KIRREL1: variants seen among roughly 807,000 people sequenced by gnomAD.
KIRREL1 encodes the protein kin of IRRE-like protein 1.
KIRREL1 carries 25 observed loss-of-function variants against 83.3 expected under a neutral mutation model. The ratio of observed to expected loss-of-function variants is 0.30; its 90% CI spans 0.22 to 0.42. The LOEUF (loss-of-function observed/expected upper bound fraction) is 0.42, where lower values mean the gene tolerates loss of function less well. Among genes scored for constraint, KIRREL1 ranks in the 10% least tolerant of loss-of-function variants. The pLI is 1.00. For missense variants in KIRREL1, 812 were observed against 1,032.3 expected (o/e 0.79, Z 2.92); for synonymous variants, 388 against 410.4 (o/e 0.95, Z 0.66).
At chr1:158,061,610 C>T (rs1165589613) in intron 1 of KIRREL1, among the ~76,000 whole-genome samples, 1 of 152,148 alleles carries the variant, frequency 6.6e-6, no homozygotes, top group African/African-American at 2.4e-5. Context: ...ATGTTTCTGG[C>T]CTCTCCTCTG....
chr1:158,048,664 C>T (rs2101588764), intron 1 of KIRREL1, among the ~76,000 whole-genome samples: 1 of 152,286 alleles, frequency 6.6e-6, no homozygotes, highest in East Asian at 1.9e-4. Context: ...CTTTTGCACA[C>T]ATACAAAAAT....
chr1:158,074,828 C>A (rs1217313224), intron 1 of KIRREL1, among the ~76,000 whole-genome samples: 1 of 152,166 alleles, frequency 6.6e-6, no homozygotes, highest in African/African-American at 2.4e-5. Context: ...AGTTTGCTTA[C>A]ACACAGGAGT....
chr1:158,007,604 G>T (rs1344368724), intron 1 of KIRREL1, among the ~76,000 whole-genome samples: 2 of 152,092 alleles, frequency 1.3e-5, no homozygotes, highest in African/African-American at 4.8e-5. Flanking sequence ...TAAGCCCTCT[G>T]AAGAAGAAGA....
intron 1 of KIRREL1, among the ~76,000 whole-genome samples, chr1:157,996,459 G>A (rs548349655): frequency 9.7e-4 from 148 of 152,196 alleles, no homozygotes; most frequent in African/African-American, 3.5e-3. Context: ...CCTCCGTGGG[G>A]GGGATGGATG....
rs1662369099 is a variant in KIRREL1 at position 158,096,910 on chromosome 1, A to G, written c.*1790A>G. 1 of 456,720 alleles carries G rather than the reference A, an allele frequency of 2.2e-6. No individual in the cohort carries two copies. The allele number at this position is 456,720 out of a possible 1,614,324, so 28.3% of individuals were successfully genotyped here. ...ACCATTCATAATTCATGTTCGCTTT[A>G]ATGAGTTACATGCTTATCAGCCACA... On this transcript the variant is annotated 3_prime_UTR_variant, in exon 15 of 15. Coordinates refer to ENST00000359209, the MANE Select transcript of KIRREL1 (RefSeq NM_018240.7).
intron 1 of KIRREL1, among the ~76,000 whole-genome samples, chr1:158,000,072 G>T (rs527652479): frequency 1.2e-4 from 18 of 150,856 alleles, no homozygotes; most frequent in African/African-American, 2.2e-4. Flanking sequence ...ATGGGGTGGG[G>T]GCTGAGGATA....
intron 1 of KIRREL1, among the ~76,000 whole-genome samples, chr1:158,060,470 C>T (rs1661185811): frequency 6.6e-6 from 1 of 152,224 alleles, no homozygotes. Context: ...TCCTCCTTTG[C>T]TCCCTTTCCC....
Position 158,095,381 on chromosome 1 carries a change from G to C in KIRREL1, c.*261G>C, listed in dbSNP as rs568318273. The stretch of plus-strand genomic sequence containing the variant: ...TGACCTGCACTCTTGCCTGACCCTA[G>C]AATGGGGACAGGGAAAGTGAAGGTT... On this transcript the variant is annotated 3_prime_UTR_variant, in exon 15 of 15. Transcript: ENST00000359209. 2.4e-6 allele frequency: 1 copy of C among 408,726 alleles called. No homozygotes were observed. Among genetic ancestry groups the C allele is most frequent in the East Asian group, 4.0e-5 (1 of 24,964 alleles). The allele number at this position is 408,726 out of a possible 1,614,324, so 25.3% of individuals were successfully genotyped here.
In KIRREL1 at chr1:158,062,474, C is replaced by T. The variant is rs572496216; in HGVS notation, c.53-13639C>T. On this transcript the variant is annotated intron_variant, in intron 1 of 14. Coordinates refer to ENST00000359209, the MANE Select transcript of KIRREL1 (RefSeq NM_018240.7). Reference sequence around the variant, plus strand: ...CAGCAGCCGGTTGGAACTGCTTTTACTTTACGCAGAATTGATCCAGATGAC... The same window carrying T: ...CAGCAGCCGGTTGGAACTGCTTTTATTTTACGCAGAATTGATCCAGATGAC... Among the ~76,000 whole-genome samples the T allele has an allele frequency of 7.9e-5, 12 of 152,380 alleles. No individual in the cohort carries two copies. In the East Asian group the frequency reaches 1.3e-3, roughly 17 times the overall value.
Position 158,096,691 on chromosome 1 carries a change from T to C in KIRREL1, c.*1571T>C, listed in dbSNP as rs968161386. ...AACACACACCTTCCATGTGACTGCT[T>C]CTCAGCCACCACTTTCTGACCAAAG... is the stretch of plus-strand genomic sequence containing the variant. On this transcript the variant is annotated 3_prime_UTR_variant, in exon 15 of 15. Transcript: ENST00000359209. The C allele has an allele frequency of 4.4e-6, 2 of 456,496 alleles. No individual in the cohort carries two copies. The highest frequency in any genetic ancestry group is 8.8e-6 in the Non-Finnish European group (2 of 226,976). 28.3% of individuals were successfully genotyped at this position (456,496 alleles called of 1,614,324 possible). A position where few individuals can be genotyped will look rare whatever the true frequency, so the allele number is the denominator to read the frequency against.
intron 1 of KIRREL1, among the ~76,000 whole-genome samples, chr1:158,038,107 C>A (rs896057180): frequency 6.6e-6 from 1 of 152,224 alleles, no homozygotes; most frequent in Non-Finnish European, 1.5e-5. Context: ...ATCTGCCTGG[C>A]TGATGAGGGA....
intron 1 of KIRREL1, among the ~76,000 whole-genome samples, chr1:158,007,909 G>A (rs558132926): frequency 6.6e-5 from 10 of 152,092 alleles, no homozygotes; most frequent in South Asian, 4.2e-4. Context: ...AGTGAAGTGC[G>A]CCCTGCTCCT....
At chr1:158,085,326 C>G (rs1270116758) in intron 4 of KIRREL1, among the ~76,000 whole-genome samples, 1 of 152,204 alleles carries the variant, frequency 6.6e-6, no homozygotes, top group African/African-American at 2.4e-5. Flanking sequence ...GAGATGTTCC[C>G]ATGCTCCTCA....
intron 2 of KIRREL1, 115 bp from the exon 3 acceptor site, chr1:158,077,876 C>G (rs1396194414): frequency 8.9e-6 from 11 of 1,230,660 alleles, no homozygotes; most frequent in Middle Eastern, 2.1e-4. Context: ...TGGGGCCTCA[C>G]CTTCTCACCT....
At chr1:158,086,886 T>G in intron 5 of KIRREL1, 140 bp downstream of exon 5, 1 of 781,278 alleles carries the variant, frequency 1.3e-6, no homozygotes, top group South Asian at 1.8e-5. Flanking sequence ...CTTCACATCT[T>G]TCATTCCCTG....
rs766353765 is a variant in KIRREL1 at position 158,096,962 on chromosome 1, C to CT, written c.*1843dup. On this transcript the variant is annotated 3_prime_UTR_variant, in exon 15 of 15. Coordinates refer to ENST00000359209, the MANE Select transcript of KIRREL1 (RefSeq NM_018240.7). ...GCCATTACCACCCTTATGGATGGGT[C>CT]TGGGGGGCGACATTCCTGGCCAACC... 6.6e-6 allele frequency: 3 copies of CT among 456,682 alleles called. No individual in the cohort carries two copies. The highest frequency in any genetic ancestry group is 6.0e-5 in the African/African-American group (3 of 50,094). 28.3% of individuals were successfully genotyped at this position (456,682 alleles called of 1,614,324 possible).
At chr1:158,040,947 G>T (rs1345096892) in intron 1 of KIRREL1, among the ~76,000 whole-genome samples, 1 of 152,046 alleles carries the variant, frequency 6.6e-6, no homozygotes, top group Non-Finnish European at 1.5e-5. Context: ...TGTGTTTTAG[G>T]ATAACTCTAG....
At chr1:158,036,302 C>T (rs6675782) in intron 1 of KIRREL1, among the ~76,000 whole-genome samples, 151,603 of 152,310 alleles carry the variant, frequency 1, 75,455 homozygotes, top group Middle Eastern at 1. Context: ...AATACTGCAA[C>T]GAACTTGTAG....
chr1:158,091,490 C>T lies in KIRREL1; in HGVS notation c.1405C>T (p.His469Tyr). The T allele has an allele frequency of 6.2e-7, 1 of 1,614,266 alleles. No homozygotes were observed. The highest frequency in any genetic ancestry group is 2.2e-5 in the East Asian group (1 of 44,890). ...NNVMEADFQT[H>Y]YNCTAWNSFG... is the part of the protein sequence containing the mutation. Reference sequence around the variant, plus strand: ...TGTCATGGAGGCCGACTTTCAGACTCACTACAACTGCACCGCCTGGAACAG... The same window carrying T: ...TGTCATGGAGGCCGACTTTCAGACTTACTACAACTGCACCGCCTGGAACAG... The change falls in exon 11 of 15, where the codon CAC (histidine) becomes TAC (tyrosine). Residue 469 changes from histidine (H) to tyrosine (Y), a missense_variant. Around this residue, in one of 3 missense-constraint regions of KIRREL1, gnomAD observed 472 missense variants for 626.8 expected, o/e 0.75. Coordinates refer to ENST00000359209, the MANE Select transcript of KIRREL1 (RefSeq NM_018240.7).
Sources: gnomAD v4.1 joint callset for allele counts (sites outside exome capture counted in the v4.1 genomes callset) on GRCh38, gnomAD v4.1.1 for gene constraint, gnomAD v4.1.1 regional missense constraint, MANE v1.5 for transcripts, NCBI Gene and HGNC (gene_info 2026-07-23, HGNC 2026-07-21) for gene names.